The following LINGO2 variants were observed in gnomAD, a reference collection of about 807,000 sequenced individuals.
LINGO2 encodes leucine-rich repeat and immunoglobulin-like domain-containing nogo receptor-interacting protein 2.
Under a neutral mutation model 30.6 loss-of-function variants are expected in LINGO2, and 14 were observed. That is an observed-to-expected ratio of 0.46 (90% CI 0.30 to 0.72). LINGO2 has a LOEUF of 0.72. LINGO2 is among the 30% of genes least tolerant of loss of function. The probability of loss-of-function intolerance (pLI) is 0.07; values close to 1 mark genes in which losing one functional copy is unlikely to be tolerated. For synonymous variants in LINGO2, 317 were observed against 288.5 expected, an observed-to-expected ratio of 1.10 and a Z score of -1.00; for missense variants, 729 against 751.7, an observed-to-expected ratio of 0.97 and a Z score of 0.35.
intron 4 of LINGO2, among the ~76,000 whole-genome samples, chr9:28,173,852 G>A (rs1487940599): frequency 4.6e-5 from 7 of 152,136 alleles, no homozygotes; most frequent in Non-Finnish European, 1.0e-4. Context: ...GTCTTTTAGG[G>A]ATATAAATTA....
chr9:28,668,562 C>T (rs1392525949), intron 1 of LINGO2, among the ~76,000 whole-genome samples: 1 of 151,650 alleles, frequency 6.6e-6, no homozygotes, highest in Non-Finnish European at 1.5e-5. Flanking sequence ...AAAAAACCTC[C>T]TAACTATACG....
In LINGO2 at chr9:28,120,874, T is replaced by C. The variant is rs367980906; in HGVS notation, c.-86-108469A>G. Among the ~76,000 whole-genome samples, 59 of 152,270 alleles carry C rather than the reference T, an allele frequency of 3.9e-4. No individual in the cohort carries two copies. The South Asian group carries it at 3.9e-3, about 10-fold the overall frequency. ...GGTATTGCTTAATAGTTCACGACAGTGTTGCTTTAAGTGAAATAGGAAAAA... is the reference window on the plus strand; with the variant it reads ...GGTATTGCTTAATAGTTCACGACAGCGTTGCTTTAAGTGAAATAGGAAAAA... On this transcript the variant is annotated intron_variant, in intron 4 of 5. Coordinates refer to ENST00000379992, the Ensembl canonical transcript of LINGO2.
chr9:28,036,825 AAGC>A lies in LINGO2; in HGVS notation c.-86-24423_-86-24421del, dbSNP rs535325701. On this transcript the variant is annotated intron_variant, in intron 4 of 5. Transcript: ENST00000379992. The stretch of plus-strand genomic sequence containing the variant: ...AAGTTAGCTCAAGAAAATTCAAAAG[AAGC>A]AGGAGAAGCCAGACTATTTCTAGAC... 3.3e-5 allele frequency among the ~76,000 whole-genome samples: 5 copies of A among 152,342 alleles called. No individual in the cohort carries two copies. In the South Asian group the frequency reaches 1.0e-3, roughly 32 times the overall value.
At position 28,574,298 on chromosome 9, in the gene LINGO2, C is replaced by T. The variant is rs1587891046; in HGVS notation, c.-365+95902G>A. On this transcript the variant is annotated intron_variant, in intron 1 of 5. Coordinates refer to ENST00000379992, the Ensembl canonical transcript of LINGO2. ...TTGAATTCCAGTAACACCTTTGGATCTGAAAACAGGTAAACAGTTTTCATC... is the reference window on the plus strand; with the variant it reads ...TTGAATTCCAGTAACACCTTTGGATTTGAAAACAGGTAAACAGTTTTCATC... 2.0e-5 allele frequency among the ~76,000 whole-genome samples: 3 copies of T among 152,178 alleles called. No individual in the cohort carries two copies. In the South Asian group the frequency reaches 6.2e-4, roughly 32 times the overall value.
At chr9:28,934,517 G>C in the LINGO2 span, among the ~76,000 whole-genome samples, 1 of 152,074 alleles carries the variant, frequency 6.6e-6, no homozygotes, top group African/African-American at 2.4e-5. Flanking sequence ...TTCATGCTGA[G>C]TATGATAAAA....
chr9:29,053,670 A>C, the LINGO2 span, among the ~76,000 whole-genome samples: 1 of 152,200 alleles, frequency 6.6e-6, no homozygotes, highest in Non-Finnish European at 1.5e-5. Context: ...GCAGATGAAC[A>C]GTTTTATTGT....
chr9:29,102,723 A>G, the LINGO2 span, among the ~76,000 whole-genome samples: 2 of 152,152 alleles, frequency 1.3e-5, no homozygotes, highest in Non-Finnish European at 2.9e-5. Flanking sequence ...ATTGTGTGCT[A>G]TTTTTACATA....
intron 4 of LINGO2, among the ~76,000 whole-genome samples, chr9:28,022,442 A>G (rs894771783): frequency 1.2e-4 from 19 of 152,086 alleles, no homozygotes; most frequent in African/African-American, 4.3e-4. Context: ...TCTGACCTAT[A>G]TAATTTCCTT....
At chr9:27,975,430 A>G (rs761395967) in intron 5 of LINGO2, among the ~76,000 whole-genome samples, 14 of 152,052 alleles carry the variant, frequency 9.2e-5, no homozygotes, top group Non-Finnish European at 1.9e-4. Flanking sequence ...CCTGTTTTCT[A>G]CCTTTTGCAG....
chr9:28,620,210 G>C (rs1401294850), intron 1 of LINGO2, among the ~76,000 whole-genome samples: 1 of 152,112 alleles, frequency 6.6e-6, no homozygotes, highest in Non-Finnish European at 1.5e-5. Flanking sequence ...GATTCAAGCT[G>C]CAAGATAGAT....
intron 4 of LINGO2, among the ~76,000 whole-genome samples, chr9:28,091,249 A>C (rs1364427687): frequency 6.6e-6 from 1 of 152,236 alleles, no homozygotes; most frequent in Non-Finnish European, 1.5e-5. Flanking sequence ...AAGAGCCTGC[A>C]TTGCCAAGTC....
At chr9:28,375,138 A>AC (rs750645087) in intron 2 of LINGO2, among the ~76,000 whole-genome samples, 52 of 122,314 alleles carry the variant, frequency 4.3e-4, no homozygotes, top group Middle Eastern at 4.5e-3. Context: ...ACACACATAC[A>AC]CCCCACACTA....
At chr9:28,934,103 T>A in the LINGO2 span, among the ~76,000 whole-genome samples, 1 of 152,204 alleles carries the variant, frequency 6.6e-6, no homozygotes, top group Non-Finnish European at 1.5e-5. Flanking sequence ...GAAAAATGGA[T>A]CCAGCTCTCT....
intron 1 of LINGO2, among the ~76,000 whole-genome samples, chr9:28,524,698 A>G (rs980826080): frequency 1.3e-5 from 2 of 152,226 alleles, no homozygotes; most frequent in African/African-American, 4.8e-5. Flanking sequence ...GGTTGCAGTG[A>G]GCAGAGATCA....
At chr9:28,577,700 CAGAT>C (rs2135631404) in intron 1 of LINGO2, among the ~76,000 whole-genome samples, 1 of 152,268 alleles carries the variant, frequency 6.6e-6, no homozygotes, top group South Asian at 2.1e-4. Flanking sequence ...ATCTTGCACA[CAGAT>C]AAACAGCAAA....
intron 1 of LINGO2, among the ~76,000 whole-genome samples, chr9:28,516,520 C>G (rs967569727): frequency 6.6e-6 from 1 of 152,140 alleles, no homozygotes; most frequent in African/African-American, 2.4e-5. Context: ...TGTGATGACT[C>G]CACTTCTTCC....
intron 4 of LINGO2, among the ~76,000 whole-genome samples, chr9:28,104,687 T>C (rs1171486436): frequency 1.3e-5 from 2 of 152,144 alleles, no homozygotes; most frequent in African/African-American, 4.8e-5. Flanking sequence ...CTCTTTCTAC[T>C]AAAACTTACA....
chr9:28,662,195 C>G (rs892795713), intron 1 of LINGO2, among the ~76,000 whole-genome samples: 2 of 152,142 alleles, frequency 1.3e-5, no homozygotes, highest in African/African-American at 4.8e-5. Context: ...TGTCACACAA[C>G]AGTAGGGCAA....
chr9:29,059,018 T>A, the LINGO2 span, among the ~76,000 whole-genome samples: 58 of 151,804 alleles, frequency 3.8e-4, no homozygotes, highest in African/African-American at 1.3e-3. Context: ...CAAAAACAAT[T>A]GGAAATAAAA....
Sources: gnomAD v4.1 joint callset for allele counts (sites outside exome capture counted in the v4.1 genomes callset) on GRCh38, gnomAD v4.1.1 for gene constraint, MANE v1.5 for transcripts, NCBI Gene and HGNC (gene_info 2026-07-23, HGNC 2026-07-21) for gene names.